Variants in MALRD1 observed in about 807,000 individuals in gnomAD.
The protein encoded by MALRD1 is MAM and LDL-receptor class A domain-containing protein 1.
MALRD1 carries 247 observed loss-of-function variants against 242.1 expected under a neutral mutation model. The ratio of observed to expected loss-of-function variants is 1.02; its 90% CI spans 0.92 to 1.13. The LOEUF (loss-of-function observed/expected upper bound fraction) is 1.13, where lower values mean the gene tolerates loss of function less well. MALRD1 is among the 50% of genes most tolerant of loss of function. MALRD1 has a pLI of 0.00. For missense variants in MALRD1, 2,989 were observed against 2,533.1 expected (o/e 1.18, Z -3.86); for synonymous variants, 995 against 866.6 (o/e 1.15, Z -2.60).
intron 25 of MALRD1, among the ~76,000 whole-genome samples, chr10:19,351,111 G>T (rs945332258): frequency 2.6e-5 from 4 of 152,164 alleles, no homozygotes; most frequent in African/African-American, 9.7e-5. Context: ...TGATTTAACG[G>T]TGTTCATTTT....
intron 28 of MALRD1, among the ~76,000 whole-genome samples, chr10:19,430,111 C>CTTTTTTTTTTTTTTTTTTTTTT (rs1156254998): frequency 1.2e-5 from 1 of 83,494 alleles, no homozygotes; most frequent in Non-Finnish European, 2.1e-5. Context: ...CTCCATTTTC[C>CTTTTTTTTTTTTTTTTTTTTTT]TTTTTTTTTT....
chr10:19,206,568 G>A (rs1481087968), intron 17 of MALRD1, among the ~76,000 whole-genome samples: 2 of 152,156 alleles, frequency 1.3e-5, no homozygotes, highest in African/African-American at 2.4e-5. Context: ...ATGTGATAAT[G>A]CGAGTACAAC....
chr10:19,554,469 T>G (rs780366720), intron 32 of MALRD1, among the ~76,000 whole-genome samples: 3 of 152,284 alleles, frequency 2.0e-5, no homozygotes, highest in Non-Finnish European at 4.4e-5. Context: ...CATGGTAGTT[T>G]GCTGCACCTA....
intron 13 of MALRD1, among the ~76,000 whole-genome samples, chr10:19,166,628 A>G (rs112427133): frequency 3.3e-4 from 50 of 152,314 alleles, no homozygotes; most frequent in African/African-American, 1.1e-3. Context: ...ATGGTATCCC[A>G]ATTACCTTTA....
At chr10:19,683,563 C>T (rs1371212773) in intron 36 of MALRD1, among the ~76,000 whole-genome samples, 5 of 152,152 alleles carry the variant, frequency 3.3e-5, no homozygotes, top group African/African-American at 1.2e-4. Context: ...GCCCTGAGTC[C>T]TGCATTCCTT....
chr10:19,307,671 A>C (rs1176638899), intron 21 of MALRD1, among the ~76,000 whole-genome samples: 1 of 151,544 alleles, frequency 6.6e-6, no homozygotes, highest in Non-Finnish European at 1.5e-5. Context: ...TGCCAGAGAC[A>C]TAGTTATCCT....
At chr10:19,079,228 C>A (rs916960728) in intron 2 of MALRD1, among the ~76,000 whole-genome samples, 5 of 151,490 alleles carry the variant, frequency 3.3e-5, no homozygotes, top group African/African-American at 1.2e-4. Context: ...CTTGTGATTT[C>A]TTCTTTAGCC....
intron 21 of MALRD1, among the ~76,000 whole-genome samples, chr10:19,310,382 T>G (rs1296165146): frequency 6.6e-6 from 1 of 151,470 alleles, no homozygotes; most frequent in Non-Finnish European, 1.5e-5. Context: ...AAACGCTGAA[T>G]TGTGATACAT....
intron 31 of MALRD1, among the ~76,000 whole-genome samples, chr10:19,499,559 C>G (rs1288407041): frequency 6.6e-6 from 1 of 152,126 alleles, no homozygotes; most frequent in Non-Finnish European, 1.5e-5. Context: ...GTCCACCCTG[C>G]AGATATTGGA....
At chr10:19,160,059 T>C (rs2131483544) in intron 12 of MALRD1, among the ~76,000 whole-genome samples, 1 of 152,296 alleles carries the variant, frequency 6.6e-6, no homozygotes. Context: ...TCATGAATAG[T>C]CATACTATAT....
At chr10:19,140,074 AT>A (rs1833485808) in intron 10 of MALRD1, among the ~76,000 whole-genome samples, 1 of 152,230 alleles carries the variant, frequency 6.6e-6, no homozygotes, top group South Asian at 2.1e-4. Context: ...TGTAATGTAT[AT>A]TAACACAATA....
In MALRD1 at chr10:19,108,508, G is replaced by A. The variant is rs1246335901; in HGVS notation, c.694+4433G>A. Among the ~76,000 whole-genome samples, 10 of 60,998 alleles carry A rather than the reference G, an allele frequency of 1.6e-4. 4 individuals carry two copies. The highest frequency in any genetic ancestry group is 1.2e-3 in the South Asian group (2 of 1,690). 40.0% of individuals were successfully genotyped at this position (60,998 alleles called of 152,430 possible). On this transcript the variant is annotated intron_variant, in intron 5 of 39. Transcript: ENST00000454679. ...CGGCTCACTGCAAGCTCCGCTTCCC[G>A]GGTTCACGCCATTCTCCTGCCTCAG...
chr10:19,048,634 A>G, upstream of MALRD1: 1 of 203,568 alleles, frequency 4.9e-6, no homozygotes, highest in East Asian at 1.1e-4. Context: ...AATGTCTTTC[A>G]GGAGATAGCA....
rs150942447 is a variant in MALRD1, at chr10:19,688,195, T to A, written c.6138-4087T>A. Among the ~76,000 whole-genome samples, 899 of 152,282 alleles carry A rather than the reference T, an allele frequency of 5.9e-3. 9 individuals are homozygous for A. Among genetic ancestry groups the A allele is most frequent in the African/African-American group, 0.021 (863 of 41,562 alleles). ...ATGTTGGCCAGGCTGGTCTTGGAAC[T>A]TCTGATCTCAGACGATGTGCCCGCC... On this transcript the variant is annotated intron_variant, in intron 36 of 39. Coordinates refer to ENST00000454679, the MANE Select transcript of MALRD1 (RefSeq NM_001142308.3).
Position 19,103,566 on chromosome 10 carries a change from T to TAAAAAA in MALRD1, c.598-410_598-409insAAAAAA, listed in dbSNP as rs1349573768. ...GACTCCGTCTCAAAAAAAAAAAAAA[T>TAAAAAA]AAATAAAGATTTAGAGAACCAAAGG... On this transcript the variant is annotated intron_variant, in intron 4 of 39. Coordinates refer to ENST00000454679, the MANE Select transcript of MALRD1 (RefSeq NM_001142308.3). Among the ~76,000 whole-genome samples the TAAAAAA allele has an allele frequency of 1.1e-3, 152 of 139,448 alleles. 7 individuals carry two copies. Among genetic ancestry groups the TAAAAAA allele is most frequent in the Middle Eastern group, 3.8e-3 (1 of 266 alleles). 91.5% of individuals were successfully genotyped at this position (139,448 alleles called of 152,430 possible).
intron 5 of MALRD1, among the ~76,000 whole-genome samples, chr10:19,109,071 G>T (rs1836580061): frequency 6.6e-6 from 1 of 152,118 alleles, no homozygotes; most frequent in African/African-American, 2.4e-5. Context: ...ACTGACTTTG[G>T]TTCCATTTGG....
In MALRD1 at chr10:19,136,622, G is replaced by T; in HGVS notation, c.1252G>T (p.Asp418Tyr). 8.1e-7 allele frequency: 1 copy of T among 1,231,584 alleles called. No individual in the cohort carries two copies. Among genetic ancestry groups the T allele is most frequent in the East Asian group, 3.2e-5 (1 of 31,678 alleles). The allele number at this position is 1,231,584 out of a possible 1,614,324, so 76.3% of individuals were successfully genotyped here. A position where few individuals can be genotyped will look rare whatever the true frequency, so the allele number is the denominator to read the frequency against. ...LLSQRSFIALDHLWVYACGQT... is the reference protein window; with the variant it reads ...LLSQRSFIALYHLWVYACGQT... ...GAGCCAGAGAAGTTTTATTGCCCTT[G>T]ATCACCTCTGGGTCTATGCCTGTGG... Residue 418 changes from aspartate to tyrosine, a missense_variant, in exon 10 of 40, where the codon GAT becomes TAT. Asp to Tyr is a radical substitution (Grantham distance 160). Transcript: ENST00000454679.
At chr10:19,333,631 A>G (rs1198173750) in intron 24 of MALRD1, among the ~76,000 whole-genome samples, 1 of 152,128 alleles carries the variant, frequency 6.6e-6, no homozygotes, top group Admixed American at 6.6e-5. Context: ...TCTTTTTGGG[A>G]AAAAGATCTA....
At position 19,692,448 on chromosome 10, in the gene MALRD1, A is replaced by G; in HGVS notation, c.6218-10A>G. 1 of 1,534,794 alleles carries G rather than the reference A, an allele frequency of 6.5e-7. No individual in the cohort carries two copies. The highest frequency in any genetic ancestry group is 2.4e-5 in the East Asian group (1 of 40,828). On this transcript the variant is annotated splice_polypyrimidine_tract_variant and intron_variant, in intron 37 of 39. Transcript: ENST00000454679. ...GCATATTTATCTTTTTCTTTGGTTTAAAATTCCAGATACATGGACTCTCCT... is the reference window on the plus strand; with the variant it reads ...GCATATTTATCTTTTTCTTTGGTTTGAAATTCCAGATACATGGACTCTCCT...
Sources: allele counts gnomAD v4.1 joint callset (sites outside exome capture counted in the v4.1 genomes callset), GRCh38; gene constraint gnomAD v4.1.1; transcripts MANE v1.5; gene names NCBI Gene and HGNC (gene_info 2026-07-23, HGNC 2026-07-21).